Variants in CDYL observed in about 807,000 individuals in gnomAD.
The protein encoded by CDYL is chromodomain Y like, also known as chromodomain Y-like protein.
A neutral mutation model predicts 47.3 loss-of-function variants in CDYL; 8 were observed. The ratio of observed to expected loss-of-function variants is 0.17; its 90% CI spans 0.10 to 0.31. The LOEUF is 0.31. CDYL is among the 10% of genes least tolerant of loss of function. The pLI is 1.00. For missense variants in CDYL, 471 were observed against 701.4 expected (o/e 0.67, Z 3.71); for synonymous variants, 266 against 265.0 (o/e 1.00, Z -0.04).
intron 5 of CDYL, among the ~76,000 whole-genome samples, chr6:4,950,791 G>T (rs1208013500): frequency 6.6e-6 from 1 of 152,102 alleles, no homozygotes; most frequent in Admixed American, 6.5e-5. Flanking sequence ...AATTAGCCGG[G>T]CGTGGTGGCG....
chr6:4,908,964 A>G (rs1757324364), intron 2 of CDYL, among the ~76,000 whole-genome samples: 1 of 152,230 alleles, frequency 6.6e-6, no homozygotes. Context: ...CTATGCTTAG[A>G]CTAGACGTGG....
chr6:4,725,558 C>T (rs1757495026), intron 2 of CDYL, among the ~76,000 whole-genome samples: 1 of 152,258 alleles, frequency 6.6e-6, no homozygotes, highest in African/African-American at 2.4e-5. Context: ...CCTCTCACTG[C>T]CCGGGGCTTG....
chr6:4,808,152 A>G (rs563422623), intron 1 of CDYL, among the ~76,000 whole-genome samples: 46 of 152,196 alleles, frequency 3.0e-4, no homozygotes, highest in South Asian at 8.3e-4. Flanking sequence ...GTTTCATTTT[A>G]TTGGCAAACG....
At chr6:4,726,683 AGAGT>A (rs1757520493) in intron 2 of CDYL, among the ~76,000 whole-genome samples, 1 of 151,450 alleles carries the variant, frequency 6.6e-6, no homozygotes, top group South Asian at 2.1e-4. Flanking sequence ...CCTGGGTGAG[AGAGT>A]GAGACCTGTC....
intron 4 of CDYL, among the ~76,000 whole-genome samples, chr6:4,940,785 T>G (rs1213027961): frequency 6.6e-6 from 1 of 152,244 alleles, no homozygotes; most frequent in Non-Finnish European, 1.5e-5. Flanking sequence ...GCCCAAGCAG[T>G]GCCCCAGGGG....
intron 2 of CDYL, among the ~76,000 whole-genome samples, chr6:4,930,812 TTA>T (rs1758010761): frequency 6.6e-6 from 1 of 152,236 alleles, no homozygotes; most frequent in Non-Finnish European, 1.5e-5. Context: ...TAGTCGAATG[TTA>T]TGTTAATAAA....
chr6:4,810,095 C>T (rs1759483594), intron 1 of CDYL, among the ~76,000 whole-genome samples: 1 of 152,054 alleles, frequency 6.6e-6, no homozygotes, highest in African/African-American at 2.4e-5. Context: ...TCCCCGTTGG[C>T]TTTTGACTTT....
At chr6:4,940,190 A>G (rs1211736653) in intron 4 of CDYL, among the ~76,000 whole-genome samples, 1 of 152,206 alleles carries the variant, frequency 6.6e-6, no homozygotes, top group East Asian at 1.9e-4. Flanking sequence ...ACTCCACACA[A>G]AAAGCTGGAT....
chr6:4,934,011 A>G (rs1449414935), intron 2 of CDYL, among the ~76,000 whole-genome samples: 1 of 152,264 alleles, frequency 6.6e-6, no homozygotes, highest in African/African-American at 2.4e-5. Context: ...AGGAATAACC[A>G]TGAGATGTAA....
chr6:4,708,790 G>A (rs187219889), intron 1 of CDYL, among the ~76,000 whole-genome samples: 1 of 152,284 alleles, frequency 6.6e-6, no homozygotes, highest in East Asian at 1.9e-4. Flanking sequence ...AGGCCAAGAT[G>A]GGTGGATCAC....
At chr6:4,939,796 A>G (rs1367140460) in intron 4 of CDYL, among the ~76,000 whole-genome samples, 1 of 152,222 alleles carries the variant, frequency 6.6e-6, no homozygotes, top group African/African-American at 2.4e-5. Flanking sequence ...TTAAAATACA[A>G]ACCACCATGC....
intron 1 of CDYL, among the ~76,000 whole-genome samples, chr6:4,843,107 T>C (rs1181389006): frequency 6.6e-6 from 1 of 152,200 alleles, no homozygotes; most frequent in Non-Finnish European, 1.5e-5. Flanking sequence ...ATTGTTTTGT[T>C]TAAGGAGGCT....
At chr6:4,857,673 A>AC (rs1181370598) in intron 1 of CDYL, among the ~76,000 whole-genome samples, 1 of 152,176 alleles carries the variant, frequency 6.6e-6, no homozygotes, top group Non-Finnish European at 1.5e-5. Context: ...TGCTCACAGT[A>AC]CCACCTGTTC....
intron 2 of CDYL, among the ~76,000 whole-genome samples, chr6:4,902,017 G>T (rs929732362): frequency 6.6e-6 from 1 of 152,192 alleles, no homozygotes; most frequent in African/African-American, 2.4e-5. Context: ...GTTTCAAGGG[G>T]TGAGGTCAAC....
intron 2 of CDYL, among the ~76,000 whole-genome samples, chr6:4,918,159 A>G (rs1265905723): frequency 6.6e-6 from 1 of 152,248 alleles, no homozygotes; most frequent in Admixed American, 6.5e-5. Flanking sequence ...AAAAGTATTG[A>G]TCATTCAATC....
intron 4 of CDYL, among the ~76,000 whole-genome samples, chr6:4,939,315 G>C (rs1758294474): frequency 6.6e-6 from 1 of 152,028 alleles, no homozygotes. Context: ...GTTGAGTCTG[G>C]GGTAGGCAGG....
At chr6:4,948,277 T>A (rs1758591075) in intron 5 of CDYL, among the ~76,000 whole-genome samples, 1 of 152,168 alleles carries the variant, frequency 6.6e-6, no homozygotes, top group South Asian at 2.1e-4. Flanking sequence ...ACCACCTTGA[T>A]GTTCAGACAC....
At chr6:4,946,844 C>T (rs1296240595) in intron 5 of CDYL, among the ~76,000 whole-genome samples, 1 of 152,190 alleles carries the variant, frequency 6.6e-6, no homozygotes, top group Non-Finnish European at 1.5e-5. Context: ...CTGGCACTGA[C>T]CACAGGCTCC....
chr6:4,860,062 C>T (rs1308195044), intron 1 of CDYL, among the ~76,000 whole-genome samples: 1 of 151,938 alleles, frequency 6.6e-6, no homozygotes, highest in African/African-American at 2.4e-5. Flanking sequence ...CCACTACCCC[C>T]AGCTAATTTT....
Sources: gnomAD v4.1 joint callset for allele counts (sites outside exome capture counted in the v4.1 genomes callset) on GRCh38, gnomAD v4.1.1 for gene constraint, MANE v1.5 for transcripts, NCBI Gene and HGNC (gene_info 2026-07-23, HGNC 2026-07-21) for gene names.